SLC44A2: variants seen among roughly 807,000 people sequenced by gnomAD.
SLC44A2 encodes the protein choline transporter-like protein 2.
Under a neutral mutation model 90.8 loss-of-function variants are expected in SLC44A2, and 57 were observed. The observed-to-expected ratio is 0.63, with a 90% CI of 0.51 to 0.78. The LOEUF is 0.78. SLC44A2 is among the 30% of genes least tolerant of loss of function. SLC44A2 has a pLI of 0.00. For missense variants in SLC44A2, 794 were observed against 919.7 expected (o/e 0.86, Z 1.77); for synonymous variants, 355 against 360.7 (o/e 0.98, Z 0.18).
In SLC44A2 at chr19:10,627,900, A is replaced by G. The variant is rs758681581; in HGVS notation, c.161-20A>G. ...ATCTGAGGAGTGGCAGTGTCTCAGT[A>G]TCCCTGGATCTTTCCACAGCCTGGA... On this transcript the variant is annotated intron_variant, in intron 3 of 21. Coordinates refer to ENST00000335757, the MANE Select transcript of SLC44A2 (RefSeq NM_020428.4). 1 of 1,613,426 alleles carries G rather than the reference A, an allele frequency of 6.2e-7. No individual in the cohort carries two copies. The highest frequency in any genetic ancestry group is 1.1e-5 in the South Asian group (1 of 91,062).
chr19:10,637,929 G>T lies in SLC44A2; in HGVS notation c.1769G>T (p.Arg590Ile). The T allele has an allele frequency of 1.9e-6, 3 of 1,614,088 alleles. No individual in the cohort carries two copies. Among genetic ancestry groups the T allele is most frequent in the Non-Finnish European group, 2.5e-6 (3 of 1,180,026 alleles). The change falls in exon 18 of 22, where the codon AGA becomes ATA. Residue 590 changes from arginine to isoleucine, a missense_variant and splice_region_variant. Physicochemically the swap from Arg to Ile is moderately conservative, Grantham distance 97. Coordinates refer to ENST00000335757, the MANE Select transcript of SLC44A2 (RefSeq NM_020428.4). Reference sequence around the variant, plus strand: ...TTCCTGCTCATGAGAAACATCATCAGGTCGGGAATCATTATCATCTTCCTC... The same window carrying T: ...TTCCTGCTCATGAGAAACATCATCATGTCGGGAATCATTATCATCTTCCTC... ...AFFLLMRNII[R>I]VAVLDKVTDF...
In SLC44A2 at chr19:10,628,341, G is replaced by A. The variant is rs138122262; in HGVS notation, c.245+337G>A. Among the ~76,000 whole-genome samples the A allele has an allele frequency of 2.0e-4, 31 of 152,284 alleles. No individual in the cohort carries two copies. In the East Asian group the frequency reaches 3.5e-3, roughly 17 times the overall value. ...GCAGAAGTTGCAATGAGCCGAGATC[G>A]TGCCACTGCACTTTAGCCTGGGGCA... On this transcript the variant is annotated intron_variant, in intron 4 of 21. Coordinates refer to ENST00000335757, the MANE Select transcript of SLC44A2 (RefSeq NM_020428.4).
chr19:10,629,097 A>T (rs557736759), intron 4 of SLC44A2, among the ~76,000 whole-genome samples: 1 of 150,860 alleles, frequency 6.6e-6, no homozygotes, highest in African/African-American at 2.4e-5. Flanking sequence ...CCGGTTACTC[A>T]GGAGGCTGAG....
At chr19:10,615,391 T>C (rs1392815955) in intron 1 of SLC44A2, among the ~76,000 whole-genome samples, 1 of 151,712 alleles carries the variant, frequency 6.6e-6, no homozygotes, top group African/African-American at 2.4e-5. Flanking sequence ...CTGGCCAACA[T>C]GGTGAAACCC....
chr19:10,624,575 G>A (rs1599240076), upstream of SLC44A2, among the ~76,000 whole-genome samples: 2 of 152,250 alleles, frequency 1.3e-5, no homozygotes, highest in Non-Finnish European at 2.9e-5. Context: ...TTACAGGCAT[G>A]AGCCACTGCA....
At chr19:10,638,695 A>G (rs1367586513) in intron 20 of SLC44A2, among the ~76,000 whole-genome samples, 2 of 151,642 alleles carry the variant, frequency 1.3e-5, no homozygotes, top group Non-Finnish European at 2.9e-5. Flanking sequence ...AGTGCAGTGA[A>G]ATGATCTTGG....
intron 1 of SLC44A2, among the ~76,000 whole-genome samples, chr19:10,612,287 A>G (rs1405666743): frequency 6.6e-6 from 1 of 151,886 alleles, no homozygotes; most frequent in Non-Finnish European, 1.5e-5. Context: ...CGGGAGGATC[A>G]CTTGAGCCCA....
intron 4 of SLC44A2, among the ~76,000 whole-genome samples, chr19:10,630,805 A>G (rs1599247699): frequency 6.6e-6 from 1 of 151,924 alleles, no homozygotes; most frequent in East Asian, 1.9e-4. Flanking sequence ...GGAGTTTGAG[A>G]CCAGCCTGGC....
chr19:10,618,322 A>C (rs1369659865), intron 1 of SLC44A2, among the ~76,000 whole-genome samples: 1 of 140,952 alleles, frequency 7.1e-6, no homozygotes, highest in Non-Finnish European at 1.5e-5. Context: ...CTACAGACAC[A>C]TGCTGCCACA....
chr19:10,619,355 G>T (rs767458684), intron 1 of SLC44A2, among the ~76,000 whole-genome samples: 4 of 150,548 alleles, frequency 2.7e-5, no homozygotes, highest in East Asian at 2.0e-4. Flanking sequence ...TTGAGCTCAG[G>T]GGGTAGAGGT....
chr19:10,629,380 C>T (rs545307751), intron 4 of SLC44A2, among the ~76,000 whole-genome samples: 3 of 151,296 alleles, frequency 2.0e-5, no homozygotes, highest in South Asian at 2.1e-4. Flanking sequence ...CGGGTTCAAG[C>T]GGTTCTCCTG....
At chr19:10,604,551 C>A (rs914989031) in intron 1 of SLC44A2, among the ~76,000 whole-genome samples, 2 of 152,280 alleles carry the variant, frequency 1.3e-5, no homozygotes, top group Non-Finnish European at 2.9e-5. Flanking sequence ...TACCCTCCTG[C>A]CCCAGTGGCT....
intron 9 of SLC44A2, 37 bp from the exon 10 acceptor site, chr19:10,632,007 G>A (rs2067001711): frequency 1.9e-6 from 3 of 1,613,588 alleles, no homozygotes; most frequent in East Asian, 2.2e-5. Flanking sequence ...GCCTGGCTGA[G>A]GGTGGAGTCT....
At chr19:10,621,775 C>T (rs745918392), upstream of SLC44A2, among the ~76,000 whole-genome samples, 4 of 152,138 alleles carry the variant, frequency 2.6e-5, no homozygotes, top group African/African-American at 4.8e-5. Flanking sequence ...TGCACCACCT[C>T]GCCCCGGCTA....
intron 2 of SLC44A2, among the ~76,000 whole-genome samples, chr19:10,627,108 G>T (rs1303045845): frequency 6.6e-6 from 1 of 152,088 alleles, no homozygotes; most frequent in African/African-American, 2.4e-5. Flanking sequence ...ATCACTTGAG[G>T]TTAGGAGTTC....
At chr19:10,604,552 C>A (rs1918047522) in intron 1 of SLC44A2, among the ~76,000 whole-genome samples, 1 of 152,130 alleles carries the variant, frequency 6.6e-6, no homozygotes, top group Non-Finnish European at 1.5e-5. Flanking sequence ...ACCCTCCTGC[C>A]CCAGTGGCTT....
At chr19:10,606,538 C>T (rs1388463215) in intron 1 of SLC44A2, among the ~76,000 whole-genome samples, 2 of 151,494 alleles carry the variant, frequency 1.3e-5, no homozygotes, top group Non-Finnish European at 2.9e-5. Flanking sequence ...TGGCTGGGCA[C>T]AGTGGCTCAC....
At chr19:10,614,028 C>T (rs7247928) in intron 1 of SLC44A2, among the ~76,000 whole-genome samples, 1,651 of 151,978 alleles carry the variant, frequency 0.011, 32 homozygotes, top group African/African-American at 0.038. Flanking sequence ...TGCAGTGATG[C>T]GATCTTGGCT....
chr19:10,638,822 G>C (rs1003160721), intron 20 of SLC44A2, among the ~76,000 whole-genome samples: 4 of 142,356 alleles, frequency 2.8e-5, no homozygotes, highest in Non-Finnish European at 6.1e-5. Context: ...TTTTTGAGAT[G>C]GAGTTTCACT....
Sources: gnomAD v4.1 joint callset for allele counts (sites outside exome capture counted in the v4.1 genomes callset) on GRCh38, gnomAD v4.1.1 for gene constraint, MANE v1.5 for transcripts, NCBI Gene and HGNC (gene_info 2026-07-23, HGNC 2026-07-21) for gene names.